CEP112: variants seen among roughly 807,000 people sequenced by gnomAD.
The protein encoded by CEP112 is centrosomal protein of 112 kDa.
CEP112 carries 127 observed loss-of-function variants against 153.0 expected under a neutral mutation model. The observed-to-expected ratio is 0.83, with a 90% CI of 0.72 to 0.96. CEP112 has a LOEUF of 0.96. Ranked by LOEUF, CEP112 falls within the 40% of genes least tolerant of loss-of-function variation. The probability of loss-of-function intolerance (pLI) is 0.00; values close to 1 mark genes in which losing one functional copy is unlikely to be tolerated. For synonymous variants in CEP112, 358 were observed against 374.4 expected, an observed-to-expected ratio of 0.96 and a Z score of 0.51; for missense variants, 1,089 against 1,101.2, an observed-to-expected ratio of 0.99 and a Z score of 0.16.
chr17:66,162,389 A>ATACC, intron 4 of CEP112, among the ~76,000 whole-genome samples: 1 of 152,326 alleles, frequency 6.6e-6, no homozygotes, highest in African/African-American at 2.4e-5. Context: ...GTAAACTGGT[A>ATACC]CAGCCACTTT....
chr17:66,192,130 T>C lies in CEP112; in HGVS notation c.-142A>G, dbSNP rs533653087. 6.5e-6 allele frequency: 1 copy of C among 152,778 alleles called. No individual in the cohort carries two copies. Among genetic ancestry groups the C allele is most frequent in the Non-Finnish European group, 1.5e-5 (1 of 68,026 alleles). The allele number at this position is 152,778 out of a possible 1,614,324, so 9.5% of individuals were successfully genotyped here. ...CGCCCAGCAGCCCGGGGGCGGGGAC[T>C]TTCGCGCTCGCATTTCCCCGCCCCC... On this transcript the variant is annotated 5_prime_UTR_variant, in exon 1 of 27. Transcript: ENST00000535342.
At chr17:65,892,210 C>T (rs1379321057) in intron 20 of CEP112, among the ~76,000 whole-genome samples, 2 of 152,112 alleles carry the variant, frequency 1.3e-5, no homozygotes, top group South Asian at 2.1e-4. Flanking sequence ...CCCTAGGGCC[C>T]GGCACAGGGT....
At chr17:65,715,923 C>A (rs1033084487) in intron 23 of CEP112, among the ~76,000 whole-genome samples, 2 of 152,166 alleles carry the variant, frequency 1.3e-5, no homozygotes, top group African/African-American at 4.8e-5. Context: ...ACGACTACTA[C>A]AGTACTACTG....
intron 12 of CEP112, among the ~76,000 whole-genome samples, chr17:66,033,590 C>T (rs1447780991): frequency 6.6e-6 from 1 of 152,186 alleles, no homozygotes; most frequent in African/African-American, 2.4e-5. Flanking sequence ...AAGCATCTTC[C>T]TCCAGGGGCC....
rs148746783 is a variant in CEP112, at chr17:65,902,378, T to G, written c.1981-44A>C. On this transcript the variant is annotated intron_variant, in intron 19 of 26. Transcript: ENST00000535342. ...GGACAGTTCATCAACAGAACATCCT[T>G]GTCGTCATGACAACTCATGTACAGC... 998 of 1,540,758 alleles carry G rather than the reference T, an allele frequency of 6.5e-4. 3 individuals carry two copies. The highest frequency in any genetic ancestry group is 2.8e-3 in the African/African-American group (200 of 72,208).
chr17:66,054,330 T>C (rs56011734), intron 11 of CEP112, among the ~76,000 whole-genome samples: 199 of 152,268 alleles, frequency 1.3e-3, no homozygotes, highest in Middle Eastern at 3.4e-3. Context: ...CTCCCCTACC[T>C]GCACCTCAAA....
chr17:65,873,928 G>A (rs2043796649), intron 20 of CEP112, among the ~76,000 whole-genome samples: 1 of 152,162 alleles, frequency 6.6e-6, no homozygotes, highest in African/African-American at 2.4e-5. Context: ...CCAGTCCTGT[G>A]TGATTACAAT....
chr17:65,950,409 A>C (rs2061785216), intron 18 of CEP112, among the ~76,000 whole-genome samples: 1 of 152,098 alleles, frequency 6.6e-6, no homozygotes, highest in African/African-American at 2.4e-5. Context: ...CATTTCTCTT[A>C]GGAATATTTT....
At chr17:65,685,977 T>TTTGACTAC (rs1334680371) in intron 24 of CEP112, among the ~76,000 whole-genome samples, 1 of 152,176 alleles carries the variant, frequency 6.6e-6, no homozygotes, top group East Asian at 1.9e-4. Context: ...TCTAATTATT[T>TTTGACTAC]TTGACTACTT....
chr17:66,103,518 T>A (rs1490740618), intron 6 of CEP112, among the ~76,000 whole-genome samples: 1 of 152,186 alleles, frequency 6.6e-6, no homozygotes, highest in East Asian at 1.9e-4. Flanking sequence ...TTTGGCAAAG[T>A]TGCCAGATGC....
intron 23 of CEP112, among the ~76,000 whole-genome samples, chr17:65,727,741 T>C (rs1207397741): frequency 2.0e-5 from 3 of 152,176 alleles, no homozygotes; most frequent in African/African-American, 4.8e-5. Context: ...CAAAAGAAGA[T>C]GATTTACAGG....
At position 65,718,167 on chromosome 17, in the gene CEP112, A is replaced by G. The variant is rs561242649; in HGVS notation, c.2607+24901T>C. On this transcript the variant is annotated intron_variant, in intron 23 of 26. Transcript: ENST00000535342. ...ACGCCTGTAATCCCAGCTTTTTGCG[A>G]GGCTGAGGCAGATGGATCACCTGAG... Among the ~76,000 whole-genome samples, 28 of 152,260 alleles carry G rather than the reference A, an allele frequency of 1.8e-4. 1 individual carries two copies. In the South Asian group the frequency reaches 5.8e-3, roughly 32 times the overall value.
intron 24 of CEP112, among the ~76,000 whole-genome samples, chr17:65,673,378 A>G (rs982679353): frequency 6.6e-6 from 1 of 152,174 alleles, no homozygotes; most frequent in Non-Finnish European, 1.5e-5. Context: ...CCAGCTGCAG[A>G]AAGTTCTCGG....
chr17:65,909,298 G>C (rs1353575836), intron 19 of CEP112, among the ~76,000 whole-genome samples: 1 of 152,176 alleles, frequency 6.6e-6, no homozygotes, highest in Non-Finnish European at 1.5e-5. Context: ...ACGGGTTATA[G>C]CTAGAGAAAG....
At chr17:65,673,172 C>T (rs2047066057) in intron 24 of CEP112, among the ~76,000 whole-genome samples, 1 of 152,086 alleles carries the variant, frequency 6.6e-6, no homozygotes, top group Admixed American at 6.5e-5. Context: ...AATTCACTTC[C>T]TTGGCACTAC....
intron 21 of CEP112, among the ~76,000 whole-genome samples, chr17:65,791,583 A>C (rs577135122): frequency 9.6e-4 from 146 of 152,354 alleles, no homozygotes; most frequent in African/African-American, 3.4e-3. Context: ...TCTGAAAAGA[A>C]CCCAACCAGT....
intron 5 of CEP112, among the ~76,000 whole-genome samples, chr17:66,131,438 T>C (rs910492143): frequency 6.6e-6 from 1 of 152,224 alleles, no homozygotes; most frequent in African/African-American, 2.4e-5. Flanking sequence ...TATAGTGCTA[T>C]GTGCTAAAAC....
At chr17:66,189,423 G>A (rs1194405428) in intron 1 of CEP112, among the ~76,000 whole-genome samples, 2 of 151,210 alleles carry the variant, frequency 1.3e-5, no homozygotes, top group South Asian at 2.1e-4. Context: ...AGAATCGCTT[G>A]AACCCGGGAG....
chr17:66,024,571 T>TAA (rs34601221), intron 16 of CEP112, among the ~76,000 whole-genome samples: 9 of 151,370 alleles, frequency 5.9e-5, no homozygotes, highest in Admixed American at 2.6e-4. Flanking sequence ...ACAATAGTTA[T>TAA]AAAAAAAACC....
Sources: allele counts gnomAD v4.1 joint callset (sites outside exome capture counted in the v4.1 genomes callset), GRCh38; gene constraint gnomAD v4.1.1; transcripts MANE v1.5; gene names NCBI Gene and HGNC (gene_info 2026-07-23, HGNC 2026-07-21).